Variants in TMEM74 observed in about 807,000 individuals in gnomAD.
The protein encoded by TMEM74 is transmembrane protein 74.
A neutral mutation model predicts 18.1 loss-of-function variants in TMEM74; 13 were observed. That is an observed-to-expected ratio of 0.72 (90% CI 0.47 to 1.14). The LOEUF (loss-of-function observed/expected upper bound fraction) is 1.14, where lower values mean the gene tolerates loss of function less well. TMEM74 is among the 50% of genes most tolerant of loss of function. The pLI, the probability that TMEM74 is intolerant of heterozygous loss-of-function variation, is 0.00. For synonymous variants in TMEM74, 159 were observed against 146.6 expected, an observed-to-expected ratio of 1.08 and a Z score of -0.61; for missense variants, 372 against 375.9, an observed-to-expected ratio of 0.99 and a Z score of 0.09.
At chr8:108,710,572 T>G (rs1416747197) in intron 1 of TMEM74, among the ~76,000 whole-genome samples, 1 of 152,138 alleles carries the variant, frequency 6.6e-6, no homozygotes. Context: ...CGTAGGCAGG[T>G]GAAATGCAGT....
intron 1 of TMEM74, among the ~76,000 whole-genome samples, chr8:108,672,414 C>T (rs762483117): frequency 2.1e-4 from 32 of 152,120 alleles, no homozygotes; most frequent in Non-Finnish European, 4.3e-4. Flanking sequence ...TAGATGAAAT[C>T]AGGGAAAGAT....
intron 2 of TMEM74, among the ~76,000 whole-genome samples, chr8:108,625,086 A>G (rs1812481271): frequency 6.6e-6 from 1 of 151,988 alleles, no homozygotes; most frequent in African/African-American, 2.4e-5. Context: ...GTGGAGGGTG[A>G]GAGGTGAGGA....
chr8:108,708,558 T>G (rs1444617255), intron 1 of TMEM74, among the ~76,000 whole-genome samples: 1 of 152,054 alleles, frequency 6.6e-6, no homozygotes, highest in Non-Finnish European at 1.5e-5. Flanking sequence ...AATGATAGCA[T>G]TCTGACTGAT....
intron 2 of TMEM74, chr8:108,652,479 T>C (rs1391213745): frequency 2.5e-6 from 1 of 405,912 alleles, no homozygotes; most frequent in Admixed American, 4.3e-5. Flanking sequence ...TGCAGATTGA[T>C]GCAGAATGCA....
chr8:108,671,811 G>GATAAATTACTCT (rs1813007629), intron 1 of TMEM74, among the ~76,000 whole-genome samples: 1 of 152,070 alleles, frequency 6.6e-6, no homozygotes, highest in South Asian at 2.1e-4. Flanking sequence ...TTAAGAATTT[G>GATAAATTACTCT]ATAAATTACT....
At chr8:108,770,437 T>C (rs914035387) in intron 1 of TMEM74, among the ~76,000 whole-genome samples, 1 of 152,214 alleles carries the variant, frequency 6.6e-6, no homozygotes, top group African/African-American at 2.4e-5. Context: ...CTCTGATGTA[T>C]ATAATGACAC....
chr8:108,787,026 G>A (rs1421799597), intron 1 of TMEM74, among the ~76,000 whole-genome samples: 2 of 152,146 alleles, frequency 1.3e-5, no homozygotes, highest in East Asian at 3.9e-4. Flanking sequence ...AATCCCAGGG[G>A]ACCAGCTAAA....
chr8:108,764,638 A>G (rs1046564921), intron 1 of TMEM74, among the ~76,000 whole-genome samples: 1 of 152,242 alleles, frequency 6.6e-6, no homozygotes, highest in East Asian at 1.9e-4. Context: ...TCTAAGAGAC[A>G]GTATTTCTTT....
chr8:108,688,060 G>A (rs1013840196), intron 1 of TMEM74, among the ~76,000 whole-genome samples: 3 of 152,312 alleles, frequency 2.0e-5, no homozygotes, highest in East Asian at 1.9e-4. Flanking sequence ...ATGTGCTTAA[G>A]TTCATTAGTA....
At chr8:108,640,344 C>A (rs1243539235) in intron 2 of TMEM74, among the ~76,000 whole-genome samples, 1 of 151,816 alleles carries the variant, frequency 6.6e-6, no homozygotes, top group Non-Finnish European at 1.5e-5. Context: ...GAACTCCTGA[C>A]CTCAAGTGAC....
intron 2 of TMEM74, among the ~76,000 whole-genome samples, chr8:108,641,535 T>C (rs1445546293): frequency 6.6e-6 from 1 of 152,086 alleles, no homozygotes. Flanking sequence ...GAGGTCACAC[T>C]GTAAGGGCTC....
intron 1 of TMEM74, among the ~76,000 whole-genome samples, chr8:108,688,567 T>TGAAGTGGGGAGAGCATTC (rs1200487163): frequency 2.0e-5 from 3 of 152,116 alleles, no homozygotes; most frequent in Non-Finnish European, 2.9e-5. Flanking sequence ...AGAGCAGGAG[T>TGAAGTGGGGAGAGCATTC]ACGTATGTGA....
chr8:108,728,257 C>T (rs752486212), intron 1 of TMEM74, among the ~76,000 whole-genome samples: 16 of 152,078 alleles, frequency 1.1e-4, no homozygotes, highest in Admixed American at 2.6e-4. Context: ...AAGAATGATC[C>T]GGAAGAGTGT....
At position 108,784,909 on chromosome 8, in the gene TMEM74, G is replaced by T. The variant is rs148358989; in HGVS notation, c.190C>A (p.Pro64Thr). Residue 64 changes from proline (P) to threonine (T), a missense_variant, in exon 2 of 2, where the codon CCA becomes ACA. Transcript: ENST00000297459. ...EMEGSKLSSS[P>T]ASPSSSLQNS... ...TGCAGAGAGGAGGAGGGGGATGCTG[G>T]AGAAGAACTAAGTTTAGACCCTTCC... The T allele has an allele frequency of 6.2e-7, 1 of 1,614,054 alleles. No homozygotes were observed. The highest frequency in any genetic ancestry group is 8.5e-7 in the Non-Finnish European group (1 of 1,180,036).
chr8:108,630,491 T>A (rs1325230182), intron 2 of TMEM74, among the ~76,000 whole-genome samples: 3 of 152,088 alleles, frequency 2.0e-5, no homozygotes, highest in Non-Finnish European at 4.4e-5. Flanking sequence ...AATAGACATG[T>A]ACAGAACTCT....
intron 1 of TMEM74, among the ~76,000 whole-genome samples, chr8:108,688,331 C>T (rs2130605124): frequency 6.6e-6 from 1 of 152,312 alleles, no homozygotes; most frequent in African/African-American, 2.4e-5. Context: ...TTCTTAGATA[C>T]TGCCCTTGAG....
At chr8:108,615,819 C>CTTTTATT (rs1812376983) in intron 2 of TMEM74, among the ~76,000 whole-genome samples, 1 of 76,420 alleles carries the variant, frequency 1.3e-5, no homozygotes, top group Non-Finnish European at 2.4e-5. Context: ...TGCATGGGAG[C>CTTTTATT]TTTTTTTTTT....
At chr8:108,704,495 G>A (rs1813372298) in intron 1 of TMEM74, among the ~76,000 whole-genome samples, 1 of 152,124 alleles carries the variant, frequency 6.6e-6, no homozygotes, top group Non-Finnish European at 1.5e-5. Context: ...TCTGGGGAAG[G>A]ATGTGTAAAA....
intron 1 of TMEM74, among the ~76,000 whole-genome samples, chr8:108,752,837 T>A (rs1314958582): frequency 6.6e-6 from 1 of 152,120 alleles, no homozygotes; most frequent in African/African-American, 2.4e-5. Context: ...TTCTTATCTG[T>A]CTTAGAAATG....
Sources: allele counts gnomAD v4.1 joint callset (sites outside exome capture counted in the v4.1 genomes callset), GRCh38; gene constraint gnomAD v4.1.1; transcripts MANE v1.5; gene names NCBI Gene and HGNC (gene_info 2026-07-23, HGNC 2026-07-21).